Variants in CCR3 observed in about 807,000 individuals in gnomAD.
The protein encoded by CCR3 is C-C motif chemokine receptor 3.
For synonymous variants in CCR3, 203 were observed against 179.2 expected, an observed-to-expected ratio of 1.13 and a Z score of -1.06; for missense variants, 419 against 437.5, an observed-to-expected ratio of 0.96 and a Z score of 0.38.
chr3:46,262,722 A>T (rs749385565), intron 1 of CCR3, among the ~76,000 whole-genome samples: 1 of 152,018 alleles, frequency 6.6e-6, no homozygotes, highest in African/African-American at 2.4e-5. Flanking sequence ...CGGCGTGATC[A>T]CAGTTCACTG....
At chr3:46,218,396 AAAG>A (rs1185047015) in intron 2 of CCR3, among the ~76,000 whole-genome samples, 3 of 152,120 alleles carry the variant, frequency 2.0e-5, no homozygotes, top group Non-Finnish European at 4.4e-5. Context: ...TCAGGCATTC[AAAG>A]AAGAATTGGC....
chr3:46,230,596 A>G (rs1428737827), intron 2 of CCR3, among the ~76,000 whole-genome samples: 2 of 152,090 alleles, frequency 1.3e-5, no homozygotes, highest in Non-Finnish European at 2.9e-5. Context: ...GTGAACTGGT[A>G]AAAAGAAATG....
intron 2 of CCR3, among the ~76,000 whole-genome samples, chr3:46,222,946 GA>G (rs1043312857): frequency 6.6e-6 from 1 of 152,150 alleles, no homozygotes; most frequent in Admixed American, 6.5e-5. Flanking sequence ...AAATTGTCAA[GA>G]AACCCTTCAT....
At chr3:46,237,321 T>G (rs1700035492) in intron 2 of CCR3, among the ~76,000 whole-genome samples, 1 of 152,238 alleles carries the variant, frequency 6.6e-6, no homozygotes, top group Non-Finnish European at 1.5e-5. Context: ...TTGAGGTCCT[T>G]GTACATATTC....
At chr3:46,221,290 T>A (rs778894326) in intron 2 of CCR3, among the ~76,000 whole-genome samples, 1 of 152,222 alleles carries the variant, frequency 6.6e-6, no homozygotes, top group Non-Finnish European at 1.5e-5. Flanking sequence ...ACAGGGAAGA[T>A]GTTTGCATTT....
chr3:46,256,274 G>C (rs1700422219), intron 1 of CCR3, among the ~76,000 whole-genome samples: 1 of 151,938 alleles, frequency 6.6e-6, no homozygotes. Flanking sequence ...ATTACATCTG[G>C]CTTTTCAGGG....
At chr3:46,250,607 T>C (rs1316938396) in intron 1 of CCR3, among the ~76,000 whole-genome samples, 2 of 152,080 alleles carry the variant, frequency 1.3e-5, no homozygotes, top group African/African-American at 4.8e-5. Context: ...TTTAGAGCCA[T>C]TGTCAAGTTT....
chr3:46,249,174 A>C (rs2125929973), intron 1 of CCR3, among the ~76,000 whole-genome samples: 2 of 152,164 alleles, frequency 1.3e-5, no homozygotes, highest in Admixed American at 1.3e-4. Context: ...GAATACAAGA[A>C]GAGGACGCAA....
At chr3:46,244,993 C>T (rs1700163749) in intron 1 of CCR3, among the ~76,000 whole-genome samples, 1 of 152,174 alleles carries the variant, frequency 6.6e-6, no homozygotes, top group Non-Finnish European at 1.5e-5. Flanking sequence ...ACATATTCTT[C>T]ATGACCAACT....
chr3:46,232,672 A>G lies in CCR3; in HGVS notation c.-67-9730A>G, dbSNP rs151070419. On this transcript the variant is annotated intron_variant, in intron 2 of 3. Coordinates refer to the CCR3 transcript ENST00000357422. ...CATCCTTGGTGCCATTCTGGATGTG[A>G]TGTTGCACTGATGGTAAATATCAAG... Among the ~76,000 whole-genome samples, 154 of 152,226 alleles carry G rather than the reference A, an allele frequency of 1.0e-3. 5 individuals are homozygous for G. In the East Asian group the frequency reaches 0.028, roughly 28 times the overall value.
At chr3:46,230,378 A>G (rs1170077570) in intron 2 of CCR3, among the ~76,000 whole-genome samples, 1 of 152,072 alleles carries the variant, frequency 6.6e-6, no homozygotes. Flanking sequence ...CCTGGAGTGA[A>G]CAGAAATACT....
At chr3:46,214,329 T>C (rs1318101407) in intron 2 of CCR3, among the ~76,000 whole-genome samples, 1 of 152,204 alleles carries the variant, frequency 6.6e-6, no homozygotes, top group Non-Finnish European at 1.5e-5. Context: ...ACCTGTTACA[T>C]GGCTGGATTC....
intron 2 of CCR3, among the ~76,000 whole-genome samples, chr3:46,218,045 G>T (rs1378153779): frequency 1.3e-5 from 2 of 151,588 alleles, no homozygotes; most frequent in Non-Finnish European, 2.9e-5. Context: ...TCTTTGAAAA[G>T]ATAAGCAAAA....
chr3:46,210,930 C>T (rs1464230604), intron 2 of CCR3: 1 of 152,280 alleles, frequency 6.6e-6, no homozygotes, highest in Non-Finnish European at 1.5e-5. Flanking sequence ...AGTGTTGCCT[C>T]CGCTATGTTA....
chr3:46,212,885 G>A (rs1005110065), intron 2 of CCR3, among the ~76,000 whole-genome samples: 3 of 152,198 alleles, frequency 2.0e-5, no homozygotes, highest in African/African-American at 2.4e-5. Flanking sequence ...AAAGACTGAC[G>A]TAGCACCTCT....
At chr3:46,260,033 A>G (rs753369564) in intron 1 of CCR3, among the ~76,000 whole-genome samples, 19 of 152,226 alleles carry the variant, frequency 1.2e-4, no homozygotes, top group Non-Finnish European at 2.2e-4. Context: ...CACATCTCAT[A>G]TGGTGGCAGA....
intron 2 of CCR3, among the ~76,000 whole-genome samples, chr3:46,229,339 G>A (rs1190646106): frequency 6.6e-6 from 1 of 152,146 alleles, no homozygotes; most frequent in African/African-American, 2.4e-5. Flanking sequence ...CATGATCAAT[G>A]AATACACTCC....
At chr3:46,218,764 G>A (rs1227791545) in intron 2 of CCR3, among the ~76,000 whole-genome samples, 1 of 152,050 alleles carries the variant, frequency 6.6e-6, no homozygotes, top group East Asian at 1.9e-4. Flanking sequence ...AAAAGTATTT[G>A]ACAAAATCCA....
chr3:46,246,879 T>C (rs13081325), intron 1 of CCR3, among the ~76,000 whole-genome samples: 29,649 of 151,172 alleles, frequency 0.2, 3,162 homozygotes, highest in Admixed American at 0.27. Context: ...GAACCTAGAG[T>C]GGGAGAGATT....
Sources: allele counts gnomAD v4.1 joint callset (sites outside exome capture counted in the v4.1 genomes callset), GRCh38; gene constraint gnomAD v4.1.1; transcripts MANE v1.5; gene names NCBI Gene and HGNC (gene_info 2026-07-23, HGNC 2026-07-21).